The following FNDC3A variants were observed in gnomAD, a reference collection of about 807,000 sequenced individuals.
The protein encoded by FNDC3A is fibronectin type III domain containing 3A.
A neutral mutation model predicts 148.9 loss-of-function variants in FNDC3A; 32 were observed. That is an observed-to-expected ratio of 0.21 (90% CI 0.16 to 0.29). The LOEUF (loss-of-function observed/expected upper bound fraction) is 0.29. Ranked by LOEUF, FNDC3A falls within the 10% of genes least tolerant of loss-of-function variation. FNDC3A has a pLI of 1.00. For synonymous variants in FNDC3A, 472 were observed against 473.6 expected (o/e 1.00, Z 0.04); for missense variants, 1,191 against 1,452.8 (o/e 0.82, Z 2.93).
chr13:49,069,828 C>T (rs1877527499), intron 2 of FNDC3A, among the ~76,000 whole-genome samples: 1 of 152,134 alleles, frequency 6.6e-6, no homozygotes, highest in Non-Finnish European at 1.5e-5. Flanking sequence ...TAAAATGAAG[C>T]ATATTTCCAA....
chr13:49,144,847 T>C (rs1180090126), intron 7 of FNDC3A, among the ~76,000 whole-genome samples: 4 of 152,192 alleles, frequency 2.6e-5, no homozygotes, highest in Non-Finnish European at 5.9e-5. Context: ...TCACAGTGTA[T>C]GTACTGCTTT....
chr13:49,048,332 G>A (rs1309319644), intron 2 of FNDC3A, among the ~76,000 whole-genome samples: 5 of 151,720 alleles, frequency 3.3e-5, no homozygotes, highest in Non-Finnish European at 7.4e-5. Flanking sequence ...GAATGATGGT[G>A]GTATTTTGAT....
At chr13:49,011,512 G>A (rs1293341608) in intron 2 of FNDC3A, among the ~76,000 whole-genome samples, 1 of 152,200 alleles carries the variant, frequency 6.6e-6, no homozygotes, top group East Asian at 1.9e-4. Context: ...GGGATTACAT[G>A]CGTGAGCCAC....
intron 3 of FNDC3A, among the ~76,000 whole-genome samples, chr13:49,089,427 T>A (rs1879042725): frequency 6.6e-6 from 1 of 152,172 alleles, no homozygotes; most frequent in Non-Finnish European, 1.5e-5. Flanking sequence ...ATGGTACAGA[T>A]GACTTTTAAG....
chr13:49,155,126 C>T (rs1390944432), intron 8 of FNDC3A, among the ~76,000 whole-genome samples: 8 of 147,978 alleles, frequency 5.4e-5, no homozygotes, highest in African/African-American at 7.5e-5. Context: ...TGATAGAATT[C>T]GGCTGTGAAT....
intron 19 of FNDC3A, among the ~76,000 whole-genome samples, chr13:49,193,002 AAG>A (rs1443241500): frequency 4.6e-5 from 7 of 152,300 alleles, no homozygotes; most frequent in Middle Eastern, 3.4e-3. Flanking sequence ...TTGTTCAAAA[AAG>A]GGGGGCAAAA....
intron 2 of FNDC3A, among the ~76,000 whole-genome samples, chr13:49,043,552 TAC>T (rs938463451): frequency 3.4e-4 from 52 of 152,232 alleles, no homozygotes; most frequent in Non-Finnish European, 2.4e-4. Context: ...TTCTGTTAAT[TAC>T]AGAGATAAGT....
chr13:49,097,475 T>C (rs1289430902), intron 3 of FNDC3A, among the ~76,000 whole-genome samples: 1 of 152,114 alleles, frequency 6.6e-6, no homozygotes, highest in Non-Finnish European at 1.5e-5. Context: ...TGTTAGTCTA[T>C]GTCAGAGTAA....
At chr13:49,121,190 C>T (rs1881318896) in intron 4 of FNDC3A, among the ~76,000 whole-genome samples, 1 of 152,182 alleles carries the variant, frequency 6.6e-6, no homozygotes, top group Admixed American at 6.5e-5. Flanking sequence ...GATTAAGAAA[C>T]TCACTCAAAA....
intron 25 of FNDC3A, 21 bp downstream of exon 25, chr13:49,203,305 G>A: frequency 1.9e-6 from 3 of 1,555,868 alleles, no homozygotes; most frequent in East Asian, 2.3e-5. Context: ...AGATATTAAT[G>A]TGTGGATGCA....
Position 48,989,175 on chromosome 13 carries a change from G to A in FNDC3A, c.-40+12998G>A, listed in dbSNP as rs138087862. 2.4e-3 allele frequency among the ~76,000 whole-genome samples: 372 copies of A among 152,178 alleles called. 2 individuals carry two copies. The highest frequency in any genetic ancestry group is 8.5e-3 in the African/African-American group (353 of 41,502). Reference sequence around the variant, plus strand: ...CAGCTCTGTTCTTGCCTAATCCATCGTAAAAGCAAGTCCCAAAGAGTCAAA... The same window carrying A: ...CAGCTCTGTTCTTGCCTAATCCATCATAAAAGCAAGTCCCAAAGAGTCAAA... On this transcript the variant is annotated intron_variant, in intron 1 of 25. Coordinates refer to ENST00000492622, the MANE Select transcript of FNDC3A (RefSeq NM_001079673.2).
chr13:49,001,353 T>G (rs1952122757), intron 1 of FNDC3A, among the ~76,000 whole-genome samples: 1 of 152,180 alleles, frequency 6.6e-6, no homozygotes, highest in Admixed American at 6.5e-5. Flanking sequence ...CTCAGGACCC[T>G]GTGATGATTG....
At chr13:49,137,113 C>T (rs188345716) in intron 6 of FNDC3A, among the ~76,000 whole-genome samples, 62 of 152,224 alleles carry the variant, frequency 4.1e-4, no homozygotes, top group Non-Finnish European at 6.2e-4. Context: ...AGGCCTGAGC[C>T]ACTGTCCCCA....
chr13:49,113,387 CT>C (rs1880711347), intron 3 of FNDC3A, among the ~76,000 whole-genome samples: 1 of 151,976 alleles, frequency 6.6e-6, no homozygotes, highest in Non-Finnish European at 1.5e-5. Flanking sequence ...GCTCTCTCAT[CT>C]CCCTAGCCCT....
At chr13:49,020,671 G>A (rs1022333312) in intron 2 of FNDC3A, among the ~76,000 whole-genome samples, 1 of 152,200 alleles carries the variant, frequency 6.6e-6, no homozygotes, top group African/African-American at 2.4e-5. Flanking sequence ...CAGTGTTGGG[G>A]GGTTATAATA....
At chr13:49,118,952 C>T (rs1881149268) in intron 4 of FNDC3A, among the ~76,000 whole-genome samples, 1 of 152,226 alleles carries the variant, frequency 6.6e-6, no homozygotes, top group African/African-American at 2.4e-5. Context: ...AACGTTCCTG[C>T]CTACCGGCTC....
rs143573387 is a variant in FNDC3A, at chr13:49,180,051, A to G, written c.1617+1397A>G. On this transcript the variant is annotated intron_variant, in intron 14 of 25. Coordinates refer to ENST00000492622, the MANE Select transcript of FNDC3A (RefSeq NM_001079673.2). ...GTATATACATAAATAGACAATTACA[A>G]CACAGATACATATCTGTGTCTCTGT... 1.4e-3 allele frequency among the ~76,000 whole-genome samples: 218 copies of G among 152,322 alleles called. 3 individuals carry two copies. The highest frequency in any genetic ancestry group is 7.3e-3 in the Admixed American group (111 of 15,300).
intron 3 of FNDC3A, among the ~76,000 whole-genome samples, chr13:49,087,494 A>T (rs993254914): frequency 6.6e-6 from 1 of 152,236 alleles, no homozygotes; most frequent in South Asian, 2.1e-4. Flanking sequence ...TTTTAGGAAA[A>T]AAGCCACTTA....
At position 49,198,433 on chromosome 13, in the gene FNDC3A, C is replaced by G. The variant is rs1340593449; in HGVS notation, c.2846C>G (p.Pro949Arg). The G allele has an allele frequency of 1.2e-6, 2 of 1,614,172 alleles. No individual in the cohort carries two copies. Among genetic ancestry groups the G allele is most frequent in the Non-Finnish European group, 1.7e-6 (2 of 1,180,034 alleles). The change falls in exon 23 of 26, where the codon CCT (proline) becomes CGT (arginine). Residue 949 changes from proline (P) to arginine (R), a missense_variant. Pro to Arg is a moderately radical substitution (Grantham distance 103). Coordinates refer to ENST00000492622, the MANE Select transcript of FNDC3A (RefSeq NM_001079673.2). ...CATATGATAAAATTAAAAACTAAGC[C>G]TCTCCCTCCTGATCCACCTCGTCTG... ...FSHMIKLKTK[P>R]LPPDPPRLEC...
Sources: allele counts gnomAD v4.1 joint callset (sites outside exome capture counted in the v4.1 genomes callset), GRCh38; gene constraint gnomAD v4.1.1; transcripts MANE v1.5; gene names NCBI Gene and HGNC (gene_info 2026-07-23, HGNC 2026-07-21).